Variants in SYN2 observed in about 807,000 individuals in gnomAD.
SYN2 encodes synapsin II, also known as synapsin-2.
Under a neutral mutation model 50.9 loss-of-function variants are expected in SYN2, and 19 were observed. The observed-to-expected ratio is 0.37, with a 90% CI of 0.26 to 0.55. The LOEUF is 0.55. Ranked by LOEUF, SYN2 falls within the 20% of genes least tolerant of loss-of-function variation. The probability of loss-of-function intolerance (pLI) is 0.81; values close to 1 mark genes in which losing one functional copy is unlikely to be tolerated. For missense variants in SYN2, 587 were observed against 576.4 expected (o/e 1.02, Z -0.19); for synonymous variants, 255 against 224.9 (o/e 1.13, Z -1.20).
intron 1 of SYN2, among the ~76,000 whole-genome samples, chr3:12,106,452 A>C (rs1158595721): frequency 2.0e-5 from 3 of 152,126 alleles, no homozygotes; most frequent in Non-Finnish European, 4.4e-5. Flanking sequence ...ACCATTTTGA[A>C]ACTCTGCCTA....
rs1437341333 is a variant in SYN2 at position 12,158,638 on chromosome 3, G to C, written c.775-2908G>C. On this transcript the variant is annotated intron_variant, in intron 5 of 12. Transcript: ENST00000621198. ...TTTTCCTCTGGACTCCTGGTGTACT[G>C]CTGGCCAGATACTAATCCCCCACAA... 3.1e-6 allele frequency: 5 copies of C among 1,595,498 alleles called. No individual in the cohort carries two copies. In the East Asian group the frequency reaches 9.0e-5, roughly 29 times the overall value.
Position 12,167,288 on chromosome 3 carries a change from G to A in SYN2, c.1035G>A (p.Glu345=), listed in dbSNP as rs1344868127. The change falls in exon 8 of 13, where the codon GAG becomes GAA. Residue 345 remains glutamate (E), a synonymous_variant. Transcript: ENST00000621198. ...CGAACACTGGCTCTGCGATGCTGGAGCAGATTGCCATGTCAGACAGGTGAG... is the reference window on the plus strand; with the variant it reads ...CGAACACTGGCTCTGCGATGCTGGAACAGATTGCCATGTCAGACAGGTGAG... The part of the protein sequence containing the change: ...WKTNTGSAML[E]QIAMSDRYKL... The A allele has an allele frequency of 1.9e-6, 3 of 1,612,806 alleles. No homozygotes were observed. The highest frequency in any genetic ancestry group is 3.3e-4 in the Middle Eastern group (2 of 6,062).
chr3:12,004,767 C>T lies in SYN2; in HGVS notation c.216C>T (p.Pro72=), dbSNP rs1693755030. ...CCGCCTCGGCGCCCGCGCCGCAGCCCGCGCCGACGCCGTCGGTGGGCAGCA... is the reference window on the plus strand; with the variant it reads ...CCGCCTCGGCGCCCGCGCCGCAGCCTGCGCCGACGCCGTCGGTGGGCAGCA... ...PPPASAPAPQ[P]APTPSVGSSF... Residue 72 remains proline (P), a synonymous_variant, in exon 1 of 13, where the codon CCC becomes CCT. Transcript: ENST00000621198. 4 of 361,390 alleles carry T rather than the reference C, an allele frequency of 1.1e-5. No individual in the cohort carries two copies. The highest frequency in any genetic ancestry group is 2.0e-5 in the Non-Finnish European group (4 of 203,076). The allele number at this position is 361,390 out of a possible 1,614,324, so 22.4% of individuals were successfully genotyped here.
intron 1 of SYN2, among the ~76,000 whole-genome samples, chr3:12,115,516 A>G (rs894593246): frequency 3.9e-5 from 6 of 152,316 alleles, no homozygotes; most frequent in Middle Eastern, 3.4e-3. Context: ...TGTGCCATAT[A>G]TCAGATGAAA....
intron 1 of SYN2, among the ~76,000 whole-genome samples, chr3:12,110,481 G>A (rs973545167): frequency 6.6e-6 from 1 of 152,210 alleles, no homozygotes; most frequent in Admixed American, 6.5e-5. Context: ...TGATGCCCCA[G>A]TAGGGACTCT....
chr3:12,059,121 G>C (rs1254279955), intron 1 of SYN2, among the ~76,000 whole-genome samples: 1 of 152,212 alleles, frequency 6.6e-6, no homozygotes, highest in Non-Finnish European at 1.5e-5. Flanking sequence ...TGCAGTGGTA[G>C]AAAGGAAAAC....
intron 1 of SYN2, among the ~76,000 whole-genome samples, chr3:12,087,433 AG>A (rs1364036549): frequency 6.6e-6 from 1 of 152,190 alleles, no homozygotes; most frequent in Non-Finnish European, 1.5e-5. Context: ...ACAAAACTGG[AG>A]GCATCACACT....
chr3:12,142,785 A>G (rs1697051863), intron 3 of SYN2, among the ~76,000 whole-genome samples: 1 of 152,158 alleles, frequency 6.6e-6, no homozygotes, highest in Non-Finnish European at 1.5e-5. Flanking sequence ...GTCTTGTTCC[A>G]AGAAGAGTCT....
chr3:12,146,059 G>A (rs756482603), intron 4 of SYN2, among the ~76,000 whole-genome samples: 22 of 152,218 alleles, frequency 1.4e-4, no homozygotes, highest in Non-Finnish European at 2.8e-4. Context: ...GAATAGCACA[G>A]CATCACCTGT....
chr3:12,087,781 T>C (rs536305891), intron 1 of SYN2, among the ~76,000 whole-genome samples: 1 of 152,086 alleles, frequency 6.6e-6, no homozygotes, highest in East Asian at 1.9e-4. Context: ...AACCCATGCG[T>C]TTATGATCAA....
intron 1 of SYN2, among the ~76,000 whole-genome samples, chr3:12,105,159 T>C (rs1696158343): frequency 6.6e-6 from 1 of 152,154 alleles, no homozygotes; most frequent in Non-Finnish European, 1.5e-5. Flanking sequence ...TCATCAACTC[T>C]AAATTAGAAG....
intron 1 of SYN2, among the ~76,000 whole-genome samples, chr3:12,132,230 A>G (rs530415344): frequency 3.2e-4 from 49 of 151,922 alleles, no homozygotes; most frequent in African/African-American, 1.1e-3. Context: ...TAAACATTTC[A>G]TGTGTCAAAC....
At chr3:12,188,578 T>A (rs553764720) in intron 12 of SYN2, among the ~76,000 whole-genome samples, 1 of 151,242 alleles carries the variant, frequency 6.6e-6, no homozygotes, top group Admixed American at 6.6e-5. Context: ...GATCATGTAG[T>A]CATTGCAGAT....
intron 1 of SYN2, among the ~76,000 whole-genome samples, chr3:12,028,344 A>G (rs2125140001): frequency 6.6e-6 from 1 of 150,532 alleles, no homozygotes; most frequent in Non-Finnish European, 1.5e-5. Context: ...ATACGTGTGC[A>G]TGTGTCTTTA....
At chr3:12,143,861 A>G (rs1353196044) in intron 3 of SYN2, among the ~76,000 whole-genome samples, 1 of 152,148 alleles carries the variant, frequency 6.6e-6, no homozygotes, top group Non-Finnish European at 1.5e-5. Context: ...AGAAATCTTT[A>G]TATTGTTTTC....
intron 11 of SYN2, chr3:12,184,304 C>G (rs1698292821): frequency 1.0e-6 from 1 of 984,436 alleles, no homozygotes; most frequent in East Asian, 1.1e-4. Context: ...TTCATTGTTG[C>G]TGTTTCTGGA....
At chr3:12,043,878 TTC>T (rs1363870943) in intron 1 of SYN2, among the ~76,000 whole-genome samples, 1 of 152,180 alleles carries the variant, frequency 6.6e-6, no homozygotes, top group Non-Finnish European at 1.5e-5. Flanking sequence ...TTTTATCTGT[TTC>T]TCTCTCTCAA....
intron 1 of SYN2, among the ~76,000 whole-genome samples, chr3:12,128,553 A>G (rs181094359): frequency 2.2e-4 from 33 of 152,340 alleles, no homozygotes; most frequent in South Asian, 4.1e-4. Context: ...CAGAAGGCTG[A>G]GGGAATATTA....
intron 1 of SYN2, among the ~76,000 whole-genome samples, chr3:12,093,579 G>A (rs1695872419): frequency 6.6e-6 from 1 of 152,024 alleles, no homozygotes; most frequent in Admixed American, 6.6e-5. Context: ...GGTTCTGTTG[G>A]GAACTTCAGC....
Sources: gnomAD v4.1 joint callset for allele counts (sites outside exome capture counted in the v4.1 genomes callset) on GRCh38, gnomAD v4.1.1 for gene constraint, MANE v1.5 for transcripts, NCBI Gene and HGNC (gene_info 2026-07-23, HGNC 2026-07-21) for gene names.